Variants in BCKDHB observed in about 807,000 individuals in gnomAD.
BCKDHB encodes the protein 2-oxoisovalerate dehydrogenase subunit beta, mitochondrial.
In BCKDHB, 41 loss-of-function variants were observed where a neutral mutation model predicts 48.5. That is an observed-to-expected ratio of 0.85 (90% CI 0.66 to 1.10). BCKDHB has a LOEUF of 1.10. BCKDHB is among the 50% of genes least tolerant of loss of function. BCKDHB has a pLI of 0.00. For missense variants in BCKDHB, 496 were observed against 494.2 expected, an observed-to-expected ratio of 1.00 and a Z score of -0.03; for synonymous variants, 201 against 174.8, an observed-to-expected ratio of 1.15 and a Z score of -1.18.
the BCKDHB span, among the ~76,000 whole-genome samples, chr6:80,419,564 A>T: frequency 6.6e-6 from 1 of 152,114 alleles, no homozygotes; most frequent in African/African-American, 2.4e-5. Context: ...TATTACAGGC[A>T]CTCCTATACC....
chr6:80,130,593 G>C (rs946342325), intron 3 of BCKDHB, among the ~76,000 whole-genome samples: 3 of 152,082 alleles, frequency 2.0e-5, no homozygotes, highest in African/African-American at 7.2e-5. Flanking sequence ...TGATCATTTA[G>C]ACTCCTGCTA....
chr6:80,433,373 A>T, the BCKDHB span, among the ~76,000 whole-genome samples: 1 of 152,074 alleles, frequency 6.6e-6, no homozygotes, highest in Non-Finnish European at 1.5e-5. Flanking sequence ...GAGAGGAGAA[A>T]TCTGGCAGTC....
intron 8 of BCKDHB, among the ~76,000 whole-genome samples, chr6:80,226,635 C>G (rs555754143): frequency 9.8e-5 from 15 of 152,300 alleles, no homozygotes; most frequent in African/African-American, 3.1e-4. Context: ...AATTCACTCA[C>G]CAGAAATATA....
chr6:80,435,613 G>C, the BCKDHB span, among the ~76,000 whole-genome samples: 1 of 152,052 alleles, frequency 6.6e-6, no homozygotes, highest in Non-Finnish European at 1.5e-5. Flanking sequence ...ATGCAAACTT[G>C]CAGCCTCTTC....
the BCKDHB span, among the ~76,000 whole-genome samples, chr6:80,352,487 T>G: frequency 6.6e-6 from 1 of 152,186 alleles, no homozygotes; most frequent in African/African-American, 2.4e-5. Context: ...CCATTCTTTC[T>G]CTCATTCTGT....
At chr6:80,282,308 A>G (rs1365198587) in intron 9 of BCKDHB, among the ~76,000 whole-genome samples, 1 of 152,206 alleles carries the variant, frequency 6.6e-6, no homozygotes, top group Admixed American at 6.5e-5. Context: ...GAGATGATGT[A>G]GAATGTGAAT....
intron 8 of BCKDHB, among the ~76,000 whole-genome samples, chr6:80,264,445 G>A (rs533591647): frequency 3.7e-4 from 56 of 152,266 alleles, no homozygotes; most frequent in African/African-American, 1.3e-3. Flanking sequence ...ACAATATGGA[G>A]CAAAGCTATG....
intron 9 of BCKDHB, among the ~76,000 whole-genome samples, chr6:80,290,290 G>A (rs969513853): frequency 6.6e-6 from 1 of 152,180 alleles, no homozygotes; most frequent in Middle Eastern, 3.2e-3. Flanking sequence ...CCTCCACAGA[G>A]TTGATCCAGA....
the BCKDHB span, among the ~76,000 whole-genome samples, chr6:80,401,380 C>T: frequency 5.3e-5 from 8 of 151,780 alleles, no homozygotes; most frequent in Admixed American, 5.3e-4. Flanking sequence ...ATCCCCCCGA[C>T]CCCTTTTTAA....
At chr6:80,200,637 T>C (rs1255779913) in intron 6 of BCKDHB, among the ~76,000 whole-genome samples, 2 of 152,188 alleles carry the variant, frequency 1.3e-5, no homozygotes, top group African/African-American at 2.4e-5. Flanking sequence ...TAAACCAATA[T>C]TGATACATTC....
intron 9 of BCKDHB, among the ~76,000 whole-genome samples, chr6:80,340,925 C>A (rs1769865474): frequency 6.6e-6 from 1 of 152,112 alleles, no homozygotes; most frequent in Non-Finnish European, 1.5e-5. Flanking sequence ...TATATGTGAA[C>A]CAATTCAGTG....
chr6:80,258,631 T>G (rs1777158648), intron 8 of BCKDHB, among the ~76,000 whole-genome samples: 1 of 152,196 alleles, frequency 6.6e-6, no homozygotes, highest in South Asian at 2.1e-4. Context: ...TACCTGCCTT[T>G]TCCCAGCCCC....
chr6:80,269,772 A>G (rs1413781461), intron 8 of BCKDHB, among the ~76,000 whole-genome samples: 3 of 152,124 alleles, frequency 2.0e-5, no homozygotes, highest in East Asian at 3.9e-4. Context: ...GGAAGAAAAT[A>G]TTTTTTAAAT....
chr6:80,379,171 G>A, the BCKDHB span, among the ~76,000 whole-genome samples: 1 of 151,810 alleles, frequency 6.6e-6, no homozygotes, highest in Non-Finnish European at 1.5e-5. Context: ...CCTGACAAAT[G>A]CAAAAGCAAA....
chr6:80,139,371 C>T (rs1582215799), intron 3 of BCKDHB, among the ~76,000 whole-genome samples: 1 of 152,046 alleles, frequency 6.6e-6, no homozygotes, highest in East Asian at 1.9e-4. Context: ...GACATGAAGT[C>T]CTTGCCCATG....
At chr6:80,309,285 G>C (rs1768039093) in intron 9 of BCKDHB, among the ~76,000 whole-genome samples, 1 of 151,626 alleles carries the variant, frequency 6.6e-6, no homozygotes, top group Non-Finnish European at 1.5e-5. Context: ...GGCTGGTCTT[G>C]GACTCCTGAC....
intron 8 of BCKDHB, among the ~76,000 whole-genome samples, chr6:80,271,471 G>A (rs1777738243): frequency 6.6e-6 from 1 of 152,102 alleles, no homozygotes; most frequent in Non-Finnish European, 1.5e-5. Context: ...ATAGGCTATA[G>A]GATACATAGG....
chr6:80,199,771 C>CAAA (rs35186066), intron 6 of BCKDHB, among the ~76,000 whole-genome samples: 6 of 35,760 alleles, frequency 1.7e-4, no homozygotes, highest in East Asian at 9.6e-4. Flanking sequence ...GACTCTGTCT[C>CAAA]AAAAAAAAAA....
chr6:80,385,853 G>C, the BCKDHB span, among the ~76,000 whole-genome samples: 3 of 152,332 alleles, frequency 2.0e-5, no homozygotes, highest in African/African-American at 7.2e-5. Flanking sequence ...TGGGATAATG[G>C]TGGAAGCAAC....
Sources: allele counts gnomAD v4.1 joint callset (sites outside exome capture counted in the v4.1 genomes callset), GRCh38; gene constraint gnomAD v4.1.1; transcripts MANE v1.5; gene names NCBI Gene and HGNC (gene_info 2026-07-23, HGNC 2026-07-21).